Variants in PRKCA observed in about 807,000 individuals in gnomAD.
PRKCA encodes protein kinase C alpha.
PRKCA carries 27 observed loss-of-function variants against 87.0 expected under a neutral mutation model. That is an observed-to-expected ratio of 0.31 (90% CI 0.23 to 0.43). PRKCA has a LOEUF of 0.43. PRKCA is among the 20% of genes least tolerant of loss of function. The pLI is 1.00. For missense variants in PRKCA, 518 were observed against 852.3 expected (o/e 0.61, Z 4.88); for synonymous variants, 329 against 311.1 (o/e 1.06, Z -0.61).
At chr17:66,554,526 C>T (rs1968438210) in intron 3 of PRKCA, 2 of 958,224 alleles carry the variant, frequency 2.1e-6, no homozygotes, top group African/African-American at 1.8e-5. Context: ...CAGCTCTTCT[C>T]CCCTGTATTG....
chr17:66,734,713 G>C (rs1973983924), intron 9 of PRKCA, among the ~76,000 whole-genome samples: 1 of 152,128 alleles, frequency 6.6e-6, no homozygotes, highest in Admixed American at 6.6e-5. Context: ...GCAGATCTCA[G>C]CCTTATTTTT....
At chr17:66,729,132 T>C (rs1973824636) in intron 8 of PRKCA, among the ~76,000 whole-genome samples, 1 of 152,106 alleles carries the variant, frequency 6.6e-6, no homozygotes, top group South Asian at 2.1e-4. Context: ...ACACAACCAA[T>C]TGGGTGCGGT....
chr17:66,346,326 T>G (rs1367446327), intron 2 of PRKCA, among the ~76,000 whole-genome samples: 1 of 151,912 alleles, frequency 6.6e-6, no homozygotes, highest in Non-Finnish European at 1.5e-5. Context: ...CTCGATCTCC[T>G]GACCTAGTGA....
At chr17:66,756,426 G>A (rs146772835) in intron 13 of PRKCA, among the ~76,000 whole-genome samples, 55 of 152,004 alleles carry the variant, frequency 3.6e-4, no homozygotes, top group Middle Eastern at 3.4e-3. Flanking sequence ...AGACCTCATC[G>A]TCGGACCGTA....
chr17:66,540,963 G>A (rs1334350121), intron 3 of PRKCA, among the ~76,000 whole-genome samples: 2 of 152,166 alleles, frequency 1.3e-5, no homozygotes, highest in East Asian at 1.9e-4. Flanking sequence ...GACCAAATAA[G>A]ACAAGGTATG....
chr17:66,540,549 C>T (rs1034493765), intron 3 of PRKCA, among the ~76,000 whole-genome samples: 4 of 152,316 alleles, frequency 2.6e-5, no homozygotes, highest in African/African-American at 4.8e-5. Flanking sequence ...CAGTTAGAAG[C>T]AGCACTCGGA....
At chr17:66,451,870 TAAAGAC>T (rs2143924783) in intron 2 of PRKCA, among the ~76,000 whole-genome samples, 1 of 152,306 alleles carries the variant, frequency 6.6e-6, no homozygotes, top group East Asian at 1.9e-4. Flanking sequence ...TGATCTCTAA[TAAAGAC>T]AAAGGCCAGG....
chr17:66,378,811 G>A (rs1909624289), intron 2 of PRKCA, among the ~76,000 whole-genome samples: 1 of 150,520 alleles, frequency 6.6e-6, no homozygotes, highest in Non-Finnish European at 1.5e-5. Flanking sequence ...TGAGGCAGGA[G>A]AAATGCTTGA....
rs1223917256 is a variant in PRKCA, at chr17:66,792,076, C to T, written c.1854+3097C>T. Among the ~76,000 whole-genome samples the T allele has an allele frequency of 6.6e-6, 1 of 152,168 alleles. No homozygotes were observed. The highest frequency in any genetic ancestry group is 2.4e-5 in the African/African-American group (1 of 41,446). On this transcript the variant is annotated intron_variant, in intron 16 of 16. Transcript: ENST00000413366. The surrounding 1 kb of genome is among the most constrained non-coding windows in gnomAD (Gnocchi z 4.5). ...TCACCGTGAGCCCATTTCTGAGTGGCTCTCGCCTCTCAGCAGTTCTTATAA... is the reference window on the plus strand; with the variant it reads ...TCACCGTGAGCCCATTTCTGAGTGGTTCTCGCCTCTCAGCAGTTCTTATAA...
chr17:66,562,176 ATAAT>A (rs1372896628), intron 3 of PRKCA, among the ~76,000 whole-genome samples: 1 of 86,178 alleles, frequency 1.2e-5, no homozygotes, highest in Non-Finnish European at 2.4e-5. Flanking sequence ...TTAAATATAT[ATAAT>A]TAAGTTATAT....
chr17:66,516,368 C>T (rs931728939), intron 3 of PRKCA, among the ~76,000 whole-genome samples: 1 of 152,110 alleles, frequency 6.6e-6, no homozygotes, highest in African/African-American at 2.4e-5. Flanking sequence ...CGTGGTGGCT[C>T]ACCCCTGCAA....
intron 2 of PRKCA, among the ~76,000 whole-genome samples, chr17:66,405,840 T>A (rs1386917278): frequency 1.3e-5 from 2 of 152,130 alleles, no homozygotes; most frequent in East Asian, 3.8e-4. Flanking sequence ...GTCAAGCATT[T>A]TGGTAGGAGA....
At chr17:66,388,584 T>C (rs1312869106) in intron 2 of PRKCA, among the ~76,000 whole-genome samples, 1 of 152,210 alleles carries the variant, frequency 6.6e-6, no homozygotes, top group East Asian at 1.9e-4. Flanking sequence ...CATGAGCCAC[T>C]GTGCCCAGCC....
At chr17:66,709,123 A>AT (rs918060617) in intron 8 of PRKCA, among the ~76,000 whole-genome samples, 6 of 152,072 alleles carry the variant, frequency 3.9e-5, no homozygotes, top group African/African-American at 1.4e-4. Flanking sequence ...CAGGGCTGTG[A>AT]TGACCCATTC....
intron 2 of PRKCA, among the ~76,000 whole-genome samples, chr17:66,450,032 A>T (rs1254359849): frequency 2.0e-5 from 3 of 149,372 alleles, no homozygotes; most frequent in African/African-American, 7.5e-5. Context: ...TTTTTTTTTT[A>T]AGCATTGTTT....
intron 16 of PRKCA, among the ~76,000 whole-genome samples, chr17:66,794,869 C>A (rs1210686161): frequency 6.6e-6 from 1 of 152,114 alleles, no homozygotes; most frequent in African/African-American, 2.4e-5. Flanking sequence ...AGTGATCTGA[C>A]TGCCTCGGCC....
rs1481711675 is a variant in PRKCA at position 66,302,698 on chromosome 17, C to T, written c.-154C>T. ...CAGCACCAGCCCGACTCTCCCCGGC[C>T]CCCGCCGCGCCCCCTCGCCGCGACC... On this transcript the variant is annotated 5_prime_UTR_variant, in exon 1 of 17. Transcript: ENST00000413366. The T allele has an allele frequency of 2.6e-5, 8 of 304,778 alleles. No homozygotes were observed. Among genetic ancestry groups the T allele is most frequent in the Non-Finnish European group, 3.3e-5 (7 of 209,312 alleles). The allele number at this position is 304,778 out of a possible 1,614,324, so 18.9% of individuals were successfully genotyped here.
intron 2 of PRKCA, among the ~76,000 whole-genome samples, chr17:66,316,790 C>T (rs899537705): frequency 1.1e-4 from 17 of 152,032 alleles, no homozygotes; most frequent in African/African-American, 4.1e-4. Context: ...ATGAGATACT[C>T]AGTTATACTA....
intron 5 of PRKCA, among the ~76,000 whole-genome samples, chr17:66,648,616 T>C (rs1598843609): frequency 6.6e-6 from 1 of 152,218 alleles, no homozygotes. Flanking sequence ...ATGTTAAGTA[T>C]GGAAAGTCAG....
Sources: allele counts gnomAD v4.1 joint callset (sites outside exome capture counted in the v4.1 genomes callset), GRCh38; gene constraint gnomAD v4.1.1; non-coding constraint Gnocchi (gnomAD v3.1); transcripts MANE v1.5; gene names NCBI Gene and HGNC (gene_info 2026-07-23, HGNC 2026-07-21).